MYO18B: variants seen among roughly 807,000 people sequenced by gnomAD.
MYO18B encodes the protein unconventional myosin-XVIIIb.
In MYO18B, 204 loss-of-function variants were observed where a neutral mutation model predicts 273.0. The ratio of observed to expected loss-of-function variants is 0.75; its 90% CI spans 0.67 to 0.84. The LOEUF is 0.84. Among genes scored for constraint, MYO18B ranks in the 40% least tolerant of loss-of-function variants. MYO18B has a pLI of 0.00. For synonymous variants in MYO18B, 1,330 were observed against 1,305.7 expected, an observed-to-expected ratio of 1.02 and a Z score of -0.40; for missense variants, 3,212 against 3,287.6, an observed-to-expected ratio of 0.98 and a Z score of 0.56.
intron 11 of MYO18B, among the ~76,000 whole-genome samples, chr22:25,786,492 C>CAAAAA (rs35847281): frequency 2.1e-5 from 3 of 142,256 alleles, no homozygotes; most frequent in African/African-American, 7.9e-5. Flanking sequence ...TATCCTGGTG[C>CAAAAA]AAAAAAAAAA....
chr22:25,992,204 A>C (rs376758261), intron 39 of MYO18B, among the ~76,000 whole-genome samples, 159 bp from the exon 40 acceptor site: 3 of 152,294 alleles, frequency 2.0e-5, no homozygotes, highest in African/African-American at 7.2e-5. Flanking sequence ...AGGATCCCAT[A>C]AATCTGTCCG....
intron 5 of MYO18B, among the ~76,000 whole-genome samples, 188 bp downstream of exon 5, chr22:25,770,364 C>A (rs1266173002): frequency 6.6e-6 from 1 of 152,160 alleles, no homozygotes; most frequent in Non-Finnish European, 1.5e-5. Context: ...CTCACTAATG[C>A]AACAAGCATG....
intron 3 of MYO18B, 32 bp from the exon 4 acceptor site, chr22:25,768,083 C>G: frequency 6.6e-7 from 1 of 1,526,070 alleles, no homozygotes; most frequent in Non-Finnish European, 8.9e-7. Context: ...CAGCAAGCAG[C>G]TATGTAGGCA....
At chr22:26,025,305 A>G (rs968757153) in intron 42 of MYO18B, among the ~76,000 whole-genome samples, 5 of 152,022 alleles carry the variant, frequency 3.3e-5, no homozygotes, top group African/African-American at 9.7e-5. Context: ...GGTCAGTTCT[A>G]TTTCTCCTAA....
intron 42 of MYO18B, among the ~76,000 whole-genome samples, chr22:26,009,754 A>G (rs1432535004): frequency 6.6e-6 from 1 of 152,030 alleles, no homozygotes; most frequent in Non-Finnish European, 1.5e-5. Context: ...TCACGACCTT[A>G]TCTCCAAATG....
At chr22:25,948,182 C>T (rs1265655236) in intron 36 of MYO18B, among the ~76,000 whole-genome samples, 4 of 152,058 alleles carry the variant, frequency 2.6e-5, no homozygotes, top group African/African-American at 4.8e-5. Context: ...ATCCATTGTC[C>T]ATCCATCCAT....
the MYO18B span, among the ~76,000 whole-genome samples, chr22:26,043,483 G>T: frequency 7.9e-3 from 1,185 of 149,584 alleles, 14 homozygotes; most frequent in African/African-American, 0.027. Flanking sequence ...TTGAGAATTT[G>T]CTGTTTTCTT....
At chr22:25,937,819 A>G (rs978934478) in intron 34 of MYO18B, among the ~76,000 whole-genome samples, 2 of 152,152 alleles carry the variant, frequency 1.3e-5, no homozygotes, top group African/African-American at 4.8e-5. Flanking sequence ...TCCTGACCTC[A>G]GGTGATCTGC....
At chr22:25,771,670 G>A (rs2086725836) in intron 6 of MYO18B, among the ~76,000 whole-genome samples, 1 of 152,072 alleles carries the variant, frequency 6.6e-6, no homozygotes, top group East Asian at 1.9e-4. Context: ...CATTTACAGA[G>A]GCTCAGTGGC....
intron 12 of MYO18B, among the ~76,000 whole-genome samples, chr22:25,809,408 G>T (rs890634536): frequency 2.0e-5 from 3 of 152,220 alleles, no homozygotes; most frequent in African/African-American, 7.2e-5. Context: ...AGCAATGCTT[G>T]TCTTGATGGG....
intron 7 of MYO18B, among the ~76,000 whole-genome samples, chr22:25,773,812 G>T (rs942022951): frequency 2.0e-5 from 3 of 152,250 alleles, no homozygotes; most frequent in African/African-American, 7.2e-5. Context: ...GCCAGAGTAG[G>T]CTTAGAGAGA....
At chr22:25,846,473 C>A (rs6004795) in intron 19 of MYO18B, among the ~76,000 whole-genome samples, 190 bp downstream of exon 19, 15 of 152,302 alleles carry the variant, frequency 9.8e-5, no homozygotes, top group African/African-American at 3.4e-4. Flanking sequence ...CTGGTCACAC[C>A]CCCAGGAAGT....
In MYO18B at chr22:25,951,918, A is replaced by C. The variant is rs140742260; in HGVS notation, c.5833-368A>C. ...AGGCAGAAACCTGGCTCCCAAACCC[A>C]CACTTGCTTGTATCTTTTGATGCTG... On this transcript the variant is annotated intron_variant, in intron 37 of 43. Transcript: ENST00000335473. 1.8e-3 allele frequency among the ~76,000 whole-genome samples: 268 copies of C among 152,252 alleles called. 1 individual carries two copies. The highest frequency in any genetic ancestry group is 6.2e-3 in the African/African-American group (259 of 41,544).
intron 28 of MYO18B, chr22:25,897,158 C>T (rs1234108678): frequency 1.3e-5 from 2 of 152,184 alleles, no homozygotes; most frequent in Non-Finnish European, 2.9e-5. Flanking sequence ...AGTTGTCTTC[C>T]AAAACATAGG....
At chr22:26,004,596 G>A (rs770585089) in intron 41 of MYO18B, 122 bp from the exon 42 acceptor site, 41 of 1,135,950 alleles carry the variant, frequency 3.6e-5, no homozygotes, top group Middle Eastern at 4.0e-4. Context: ...CTGGGATGGC[G>A]AGTGAGGTTA....
At chr22:25,806,492 C>T (rs1291144380) in intron 12 of MYO18B, among the ~76,000 whole-genome samples, 4 of 152,226 alleles carry the variant, frequency 2.6e-5, no homozygotes, top group Non-Finnish European at 5.9e-5. Flanking sequence ...TCCTTTCTGT[C>T]TCTCTGGCTT....
At chr22:25,908,550 C>A in intron 32 of MYO18B, 118 bp downstream of exon 32, 1 of 800,012 alleles carries the variant, frequency 1.2e-6, no homozygotes, top group Non-Finnish European at 2.1e-6. Flanking sequence ...GCTCTTTCTG[C>A]AATCATCTGA....
the MYO18B span, among the ~76,000 whole-genome samples, chr22:26,060,033 T>C: frequency 2.6e-5 from 4 of 152,238 alleles, no homozygotes; most frequent in African/African-American, 9.6e-5. Context: ...ATGATTATTT[T>C]ATTAGCCTTG....
the MYO18B span, among the ~76,000 whole-genome samples, chr22:26,056,561 A>G: frequency 6.6e-6 from 1 of 152,238 alleles, no homozygotes; most frequent in Non-Finnish European, 1.5e-5. Context: ...TTGAGCCACA[A>G]GAATCTAACT....
Sources: allele counts gnomAD v4.1 joint callset (sites outside exome capture counted in the v4.1 genomes callset), GRCh38; gene constraint gnomAD v4.1.1; transcripts MANE v1.5; gene names NCBI Gene and HGNC (gene_info 2026-07-23, HGNC 2026-07-21).